NIPAL2: variants seen among roughly 807,000 people sequenced by gnomAD.
NIPAL2 encodes NIPA-like protein 2.
A neutral mutation model predicts 48.9 loss-of-function variants in NIPAL2; 43 were observed. The observed-to-expected ratio is 0.88, with a 90% CI of 0.69 to 1.13. NIPAL2 has a LOEUF of 1.13. NIPAL2 is among the 50% of genes most tolerant of loss of function. The pLI is 0.00. For synonymous variants in NIPAL2, 167 were observed against 174.6 expected (o/e 0.96, Z 0.34); for missense variants, 446 against 461.4 (o/e 0.97, Z 0.31).
At chr8:98,199,043 G>A (rs939273498) in intron 8 of NIPAL2, among the ~76,000 whole-genome samples, 7 of 149,584 alleles carry the variant, frequency 4.7e-5, no homozygotes, top group African/African-American at 1.7e-4. Context: ...TGCAACCTCC[G>A]CCTCCTGGGT....
At chr8:98,272,778 C>T (rs1433635654) in intron 1 of NIPAL2, among the ~76,000 whole-genome samples, 4 of 152,016 alleles carry the variant, frequency 2.6e-5, no homozygotes, top group Non-Finnish European at 1.5e-5. Context: ...CAATGCCTGG[C>T]TAATTTTTTA....
Position 98,195,998 on chromosome 8 carries a change from T to C in NIPAL2, c.888A>G (p.Ile296Met). ...GAGCACCAAGGAATTCCTGATAAAA[T>C]ATGATACCTGTAACACAGGAAAAGA... ...FTISAIIAGI[I>M]FYQEFLGAPF... is the part of the protein sequence containing the mutation. The change falls in exon 9 of 11, where the codon ATA becomes ATG. Residue 296 changes from isoleucine to methionine, a missense_variant. Coordinates refer to ENST00000430223, the MANE Select transcript of NIPAL2 (RefSeq NM_001321635.2). The C allele has an allele frequency of 6.3e-7, 1 of 1,581,880 alleles. No individual in the cohort carries two copies. The highest frequency in any genetic ancestry group is 8.7e-7 in the Non-Finnish European group (1 of 1,154,960).
chr8:98,250,070 C>T (rs185133586), intron 3 of NIPAL2, among the ~76,000 whole-genome samples: 4 of 152,130 alleles, frequency 2.6e-5, no homozygotes, highest in Admixed American at 2.6e-4. Context: ...GACTTAAGGA[C>T]TAAAACTATT....
chr8:98,293,993 C>A lies in NIPAL2; in HGVS notation c.135+10G>T. On this transcript the variant is annotated intron_variant, in intron 1 of 10. Coordinates refer to ENST00000430223, the MANE Select transcript of NIPAL2 (RefSeq NM_001321635.2). ...CCACCGGGCTGCGGTGGCTGCGGGG[C>A]GGCCCTTACCTGGTTCCTGCGGTAC... 6.8e-7 allele frequency: 1 copy of A among 1,463,280 alleles called. No homozygotes were observed. Among genetic ancestry groups the A allele is most frequent in the Middle Eastern group, 2.1e-4 (1 of 4,838 alleles). The allele number at this position is 1,463,280 out of a possible 1,614,324, so 90.6% of individuals were successfully genotyped here. A position where few individuals can be genotyped will look rare whatever the true frequency, so the allele number is the denominator to read the frequency against.
At chr8:98,215,520 G>A (rs1563493777) in intron 5 of NIPAL2, among the ~76,000 whole-genome samples, 1 of 152,180 alleles carries the variant, frequency 6.6e-6, no homozygotes, top group African/African-American at 2.4e-5. Context: ...CCTGTGCACT[G>A]TTCTCAGAGC....
intron 8 of NIPAL2, among the ~76,000 whole-genome samples, chr8:98,200,055 C>T (rs1010304917): frequency 2.6e-5 from 4 of 152,132 alleles, no homozygotes; most frequent in Non-Finnish European, 5.9e-5. Flanking sequence ...CTAGGTCAAA[C>T]AATCCTACCG....
intron 1 of NIPAL2, among the ~76,000 whole-genome samples, chr8:98,282,262 G>C (rs1252979497): frequency 6.6e-6 from 1 of 152,216 alleles, no homozygotes; most frequent in African/African-American, 2.4e-5. Flanking sequence ...CTGGTCTGGA[G>C]AGGCAAGCAG....
chr8:98,294,097 G>C lies in NIPAL2; in HGVS notation c.41C>G (p.Ser14Trp), dbSNP rs755826238. The C allele has an allele frequency of 6.0e-6, 9 of 1,489,466 alleles. No individual in the cohort carries two copies. The South Asian group carries it at 6.4e-5, about 11-fold the overall frequency. The allele number at this position is 1,489,466 out of a possible 1,614,324, so 92.3% of individuals were successfully genotyped here. A position where few individuals can be genotyped will look rare whatever the true frequency, so the allele number is the denominator to read the frequency against. The stretch of plus-strand genomic sequence containing the variant: ...CAGTGACAGCTCGTCCAGGGCGGCC[G>C]AGGCGGAGTCCCCGGGGCCCGCGGG... Reference protein sequence around the residue: ...VAPAGPGDSASAALDELSLNF... With the variant: ...VAPAGPGDSAWAALDELSLNF... The change falls in exon 1 of 11, where the codon TCG becomes TGG. Residue 14 changes from serine to tryptophan, a missense_variant. Physicochemically the swap from Ser to Trp is radical, Grantham distance 177. Transcript: ENST00000430223.
At chr8:98,273,003 A>G (rs1027305443) in intron 1 of NIPAL2, among the ~76,000 whole-genome samples, 3 of 152,224 alleles carry the variant, frequency 2.0e-5, no homozygotes, top group Non-Finnish European at 4.4e-5. Flanking sequence ...AAAGGTTATC[A>G]TTACAGAGAA....
chr8:98,221,296 T>A (rs1224584314), intron 5 of NIPAL2, among the ~76,000 whole-genome samples: 1 of 151,302 alleles, frequency 6.6e-6, no homozygotes, highest in Non-Finnish European at 1.5e-5. Flanking sequence ...CTTTTATACA[T>A]CTCTTGGCAT....
chr8:98,242,504 T>TTTTTTTTTTTTTTTTG, intron 3 of NIPAL2, among the ~76,000 whole-genome samples: 1 of 150,146 alleles, frequency 6.7e-6, no homozygotes, highest in East Asian at 1.9e-4. Context: ...TTTTTTTTTT[T>TTTTTTTTTTTTTTTTG]TTTAACTGAG....
At chr8:98,228,123 G>T (rs529362248) in intron 4 of NIPAL2, among the ~76,000 whole-genome samples, 1 of 152,326 alleles carries the variant, frequency 6.6e-6, no homozygotes, top group South Asian at 2.1e-4. Context: ...GGTGGTGTTG[G>T]TGATTCAAGA....
At chr8:98,289,216 A>G (rs1280327435) in intron 1 of NIPAL2, among the ~76,000 whole-genome samples, 1 of 152,050 alleles carries the variant, frequency 6.6e-6, no homozygotes, top group Non-Finnish European at 1.5e-5. Context: ...TTTTCCTCAT[A>G]TAAATGATTT....
At chr8:98,205,067 A>C (rs1159731204) in intron 7 of NIPAL2, 44 bp downstream of exon 7, 3 of 1,596,684 alleles carry the variant, frequency 1.9e-6, no homozygotes, top group Non-Finnish European at 2.6e-6. Context: ...CCAGAGAAGC[A>C]CCGGAATGTT....
chr8:98,224,034 A>C (rs968864814), intron 4 of NIPAL2, among the ~76,000 whole-genome samples: 1 of 152,204 alleles, frequency 6.6e-6, no homozygotes, highest in East Asian at 1.9e-4. Context: ...TGTCTCAGAT[A>C]CTTCTGTTTC....
At chr8:98,195,055 G>A (rs1810482649) in intron 9 of NIPAL2, among the ~76,000 whole-genome samples, 2 of 152,154 alleles carry the variant, frequency 1.3e-5, no homozygotes, top group South Asian at 4.1e-4. Flanking sequence ...ACCATCTGGG[G>A]GCTAACTCAG....
chr8:98,266,161 T>G (rs1041180196), intron 1 of NIPAL2, among the ~76,000 whole-genome samples: 7 of 142,932 alleles, frequency 4.9e-5, no homozygotes, highest in South Asian at 2.5e-4. Flanking sequence ...AGGGATAGCA[T>G]TGGGAGATAT....
At chr8:98,237,297 C>G (rs1045520620) in intron 3 of NIPAL2, among the ~76,000 whole-genome samples, 1 of 152,020 alleles carries the variant, frequency 6.6e-6, no homozygotes, top group African/African-American at 2.4e-5. Context: ...AGTGATCCTC[C>G]TGCCTCGACC....
chr8:98,193,193 T>C, intron 10 of NIPAL2, 103 bp from the exon 11 acceptor site: 16 of 1,090,420 alleles, frequency 1.5e-5, no homozygotes, highest in Non-Finnish European at 2.2e-5. Context: ...CTCTCTTTTA[T>C]ACTATGTGGG....
Sources: gnomAD v4.1 joint callset for allele counts (sites outside exome capture counted in the v4.1 genomes callset) on GRCh38, gnomAD v4.1.1 for gene constraint, MANE v1.5 for transcripts, NCBI Gene and HGNC (gene_info 2026-07-23, HGNC 2026-07-21) for gene names.